Variants in COL4A1 observed in about 807,000 individuals in gnomAD.
COL4A1 encodes the protein collagen alpha-1(IV) chain.
A neutral mutation model predicts 216.6 loss-of-function variants in COL4A1; 40 were observed. The observed-to-expected ratio is 0.18, with a 90% confidence interval of 0.14 to 0.24. The LOEUF is 0.24. COL4A1 is among the 10% of genes least tolerant of loss of function. The pLI is 1.00. For synonymous variants in COL4A1, 839 were observed against 810.7 expected (o/e 1.03, Z -0.59); for missense variants, 1,628 against 2,196.8 (o/e 0.74, Z 5.18).
chr13:110,218,218 G>GACACCTA (rs1485780290), intron 2 of COL4A1, among the ~76,000 whole-genome samples: 7 of 46,654 alleles, frequency 1.5e-4, no homozygotes, highest in African/African-American at 3.6e-4. Context: ...TCAAAGGCCT[G>GACACCTA]TTTCAGTGGC....
rs772246365 is a variant in COL4A1, at chr13:110,192,825, C to G, written c.1465+5G>C. 1.9e-6 allele frequency: 3 copies of G among 1,613,544 alleles called. No homozygotes were observed. The East Asian group carries it at 6.7e-5, about 36-fold the overall frequency. On this transcript the variant is annotated splice_donor_5th_base_variant and intron_variant, in intron 23 of 51. Transcript: ENST00000375820. ...GACCTGGTCCTTTTCACATGTGGGT[C>G]TTACCTATTTCTCCCGGGGGTCCCT...
chr13:110,265,594 C>T (rs1430667376), intron 1 of COL4A1: 1 of 152,202 alleles, frequency 6.6e-6, no homozygotes, highest in Non-Finnish European at 1.5e-5. Flanking sequence ...CCAACTGACT[C>T]CACACAGGTG....
intron 1 of COL4A1, among the ~76,000 whole-genome samples, chr13:110,280,443 C>T (rs940676398): frequency 2.0e-5 from 3 of 152,238 alleles, no homozygotes; most frequent in Non-Finnish European, 4.4e-5. Flanking sequence ...ATGAATACAT[C>T]ACAAAGTCAC....
intron 2 of COL4A1, among the ~76,000 whole-genome samples, chr13:110,234,641 C>T (rs547602451): frequency 2.0e-5 from 3 of 152,150 alleles, no homozygotes; most frequent in South Asian, 2.1e-4. Context: ...CTGTATATGA[C>T]GCAGCACCCA....
At position 110,192,825 on chromosome 13, in the gene COL4A1, C is replaced by T. The variant is rs772246365; in HGVS notation, c.1465+5G>A. On this transcript the variant is annotated splice_donor_5th_base_variant and intron_variant, in intron 23 of 51. Transcript: ENST00000375820. ...GACCTGGTCCTTTTCACATGTGGGT[C>T]TTACCTATTTCTCCCGGGGGTCCCT... 2 of 1,613,544 alleles carry T rather than the reference C, an allele frequency of 1.2e-6. No homozygotes were observed. Among genetic ancestry groups the T allele is most frequent in the Non-Finnish European group, 1.7e-6 (2 of 1,179,488 alleles).
chr13:110,191,689 G>A (rs535851363), intron 24 of COL4A1: 33 of 669,028 alleles, frequency 4.9e-5, no homozygotes, highest in Admixed American at 3.5e-4. Flanking sequence ...TCAACTGTAA[G>A]AAGAAGAATA....
At chr13:110,209,325 G>T in intron 11 of COL4A1, 67 bp downstream of exon 11, 1 of 1,395,064 alleles carries the variant, frequency 7.2e-7, no homozygotes. Flanking sequence ...TAAGAAGAGT[G>T]AGCTATAGCA....
chr13:110,202,647 A>C (rs1879302061), intron 18 of COL4A1, among the ~76,000 whole-genome samples: 1 of 152,200 alleles, frequency 6.6e-6, no homozygotes, highest in South Asian at 2.1e-4. Flanking sequence ...CATTTTCATT[A>C]TTTCAAAAAA....
intron 31 of COL4A1, among the ~76,000 whole-genome samples, chr13:110,178,620 T>C (rs1027935850): frequency 1.3e-5 from 2 of 152,158 alleles, no homozygotes; most frequent in African/African-American, 4.8e-5. Flanking sequence ...CCACCACTAA[T>C]TAACCGTCCT....
At chr13:110,285,535 C>A (rs1290132801) in intron 1 of COL4A1, among the ~76,000 whole-genome samples, 1 of 152,148 alleles carries the variant, frequency 6.6e-6, no homozygotes, top group African/African-American at 2.4e-5. Flanking sequence ...ATGGGATGCC[C>A]AGATATCTGG....
chr13:110,207,266 G>A lies in COL4A1; in HGVS notation c.780+137C>T, dbSNP rs990396605. 5 of 798,952 alleles carry A rather than the reference G, an allele frequency of 6.3e-6. No individual in the cohort carries two copies. The highest frequency in any genetic ancestry group is 1.1e-5 in the Non-Finnish European group (5 of 465,200). The allele number at this position is 798,952 out of a possible 1,614,324, so 49.5% of individuals were successfully genotyped here. On this transcript the variant is annotated intron_variant, in intron 13 of 51. Coordinates refer to ENST00000375820, the MANE Select transcript of COL4A1 (RefSeq NM_001845.6). This position sits in a 1 kb window ranked among gnomAD's most constrained non-coding sequence, Gnocchi z 4.4. Reference sequence around the variant, plus strand: ...CAAAGGGGCTCGTATTTTATGGACTGAACAGTCTATAAATCTGTTTTCCAG... The same window carrying A: ...CAAAGGGGCTCGTATTTTATGGACTAAACAGTCTATAAATCTGTTTTCCAG...
chr13:110,257,511 G>A (rs1328665391), intron 1 of COL4A1, among the ~76,000 whole-genome samples: 1 of 152,184 alleles, frequency 6.6e-6, no homozygotes, highest in Non-Finnish European at 1.5e-5. Context: ...AAAAACTGAG[G>A]TATACCACAG....
At position 110,200,138 on chromosome 13, in the gene COL4A1, G is replaced by A. The variant is rs542228123; in HGVS notation, c.1120+716C>T. On this transcript the variant is annotated intron_variant, in intron 20 of 51. Transcript: ENST00000375820. ...AAAGCGTAAAGGCTGCGAACACTCC[G>A]TTGTGTGCCAATGCTAGGGCACGTG... is the stretch of plus-strand genomic sequence containing the variant. Among the ~76,000 whole-genome samples the A allele has an allele frequency of 5.9e-5, 9 of 152,378 alleles. No homozygotes were observed. In the East Asian group the frequency reaches 1.2e-3, roughly 20 times the overall value.
At chr13:110,206,963 A>C in intron 13 of COL4A1, 72 bp from the exon 14 acceptor site, 11 of 1,432,044 alleles carry the variant, frequency 7.7e-6, no homozygotes, top group Non-Finnish European at 1.1e-5. Flanking sequence ...CATTAAACAC[A>C]CAGCAGAAAA....
chr13:110,174,469 A>T lies in COL4A1; in HGVS notation c.3383T>A (p.Ile1128Asn), dbSNP rs748446738. Residue 1128 changes from isoleucine (I) to asparagine (N), a missense_variant, in exon 39 of 52, where the codon ATC (isoleucine) becomes AAC (asparagine). Around this residue, in one of 8 missense-constraint regions of COL4A1, gnomAD observed 345 missense variants for 476.9 expected, o/e 0.72. Coordinates refer to ENST00000375820, the MANE Select transcript of COL4A1 (RefSeq NM_001845.6). ...ACCTGCTTCTCCTTTGACACCAGGG[A>T]TGCCATCCAATCCTGGGAGGCCTTT... ...GDKGLPGLDG[I>N]PGVKGEAGLP... The T allele has an allele frequency of 1.2e-6, 2 of 1,613,990 alleles. No homozygotes were observed. The highest frequency in any genetic ancestry group is 1.7e-5 in the Admixed American group (1 of 60,008).
Position 110,222,771 on chromosome 13 carries a change from T to TAAAAAA in COL4A1, c.145-8757_145-8756insTTTTTT, listed in dbSNP as rs751501177. Among the ~76,000 whole-genome samples, 20 of 93,408 alleles carry TAAAAAA rather than the reference T, an allele frequency of 2.1e-4. 1 individual carries two copies. The highest frequency in any genetic ancestry group is 1.4e-3 in the East Asian group (4 of 2,938). 61.3% of individuals were successfully genotyped at this position (93,408 alleles called of 152,430 possible). A position where few individuals can be genotyped will look rare whatever the true frequency, so the allele number is the denominator to read the frequency against. Reference sequence around the variant, plus strand: ...CTGGGCGACAGAGCCAGACTCTGCTTTAAAAAAAAAAAAAAAAAAAAAAAA... The same window carrying TAAAAAA: ...CTGGGCGACAGAGCCAGACTCTGCTTAAAAAATAAAAAAAAAAAAAAAAAAAAAAAA... On this transcript the variant is annotated intron_variant, in intron 2 of 51. Transcript: ENST00000375820.
At chr13:110,194,389 A>G (rs957525740) in intron 22 of COL4A1, among the ~76,000 whole-genome samples, 2 of 152,204 alleles carry the variant, frequency 1.3e-5, no homozygotes, top group East Asian at 1.9e-4. Flanking sequence ...GCATATAAAT[A>G]TCAGAATATC....
intron 24 of COL4A1, among the ~76,000 whole-genome samples, chr13:110,188,056 A>G (rs1878477544): frequency 6.6e-6 from 1 of 152,204 alleles, no homozygotes; most frequent in Non-Finnish European, 1.5e-5. Flanking sequence ...CAGTTCCTGG[A>G]AAGTTAAAAC....
chr13:110,196,682 C>G (rs1878907784), intron 21 of COL4A1, among the ~76,000 whole-genome samples: 1 of 152,130 alleles, frequency 6.6e-6, no homozygotes, highest in African/African-American at 2.4e-5. Context: ...CTGAGGAGTT[C>G]TAAAGTGCAA....
Sources: allele counts gnomAD v4.1 joint callset (sites outside exome capture counted in the v4.1 genomes callset), GRCh38; gene constraint gnomAD v4.1.1; regional missense constraint gnomAD v4.1.1; non-coding constraint Gnocchi (gnomAD v3.1); transcripts MANE v1.5; gene names NCBI Gene and HGNC (gene_info 2026-07-23, HGNC 2026-07-21).